Variants in ZNF407 observed in about 807,000 individuals in gnomAD.
ZNF407 encodes zinc finger protein 407.
ZNF407 carries 17 observed loss-of-function variants against 131.2 expected under a neutral mutation model. The observed-to-expected ratio is 0.13, with a 90% CI of 0.09 to 0.19. The LOEUF is 0.19. Among genes scored for constraint, ZNF407 ranks in the 10% least tolerant of loss-of-function variants. The probability of loss-of-function intolerance (pLI) is 1.00; values close to 1 mark genes in which losing one functional copy is unlikely to be tolerated. For missense variants in ZNF407, 2,681 were observed against 2,830.6 expected (o/e 0.95, Z 1.20); for synonymous variants, 1,156 against 1,062.0 (o/e 1.09, Z -1.72).
Position 75,063,664 on chromosome 18 carries a change from TC to T in ZNF407, c.5949del (p.Glu1984ArgfsTer16). 6.2e-7 allele frequency: 1 copy of T among 1,605,120 alleles called. No homozygotes were observed. ...TAAACCTCTCGGAGGCTGGAGTCGC[TC>T]CCCCCGAGGCATCCTCAGCCCTGGA... ...ILNLSEAGVA[P>X]PEASSALDAL... On this transcript the variant is annotated frameshift_variant, in exon 9 of 9. Transcript: ENST00000299687. LOFTEE classifies it low-confidence loss of function (END_TRUNC). This position sits in a 1 kb window ranked among gnomAD's most constrained non-coding sequence, Gnocchi z 6.6.
At chr18:74,751,545 C>G (rs1289566264) in intron 3 of ZNF407, among the ~76,000 whole-genome samples, 1 of 151,896 alleles carries the variant, frequency 6.6e-6, no homozygotes, top group African/African-American at 2.4e-5. Context: ...ACGACAGGCC[C>G]CCATGTGTGA....
At chr18:74,994,221 G>C (rs550809488) in intron 8 of ZNF407, among the ~76,000 whole-genome samples, 15 of 151,262 alleles carry the variant, frequency 9.9e-5, no homozygotes, top group Admixed American at 7.3e-4. Flanking sequence ...CAGTTCTTCA[G>C]CTTACTCCCA....
At chr18:75,031,657 A>C (rs1249217851) in intron 8 of ZNF407, among the ~76,000 whole-genome samples, 1 of 152,216 alleles carries the variant, frequency 6.6e-6, no homozygotes, top group Non-Finnish European at 1.5e-5. Context: ...TTTATCATTC[A>C]TTAAACTTTC....
intron 8 of ZNF407, among the ~76,000 whole-genome samples, chr18:75,010,174 A>G (rs1972957276): frequency 6.6e-6 from 1 of 152,174 alleles, no homozygotes; most frequent in Non-Finnish European, 1.5e-5. Flanking sequence ...ATAAAGGACA[A>G]CCGTGATCTG....
intron 7 of ZNF407, among the ~76,000 whole-genome samples, chr18:74,903,321 A>G (rs1971554037): frequency 6.6e-6 from 1 of 152,200 alleles, no homozygotes; most frequent in Non-Finnish European, 1.5e-5. Flanking sequence ...ATATGCACAC[A>G]TATATATGTA....
At chr18:74,841,555 T>G (rs933735049) in intron 4 of ZNF407, among the ~76,000 whole-genome samples, 4 of 152,222 alleles carry the variant, frequency 2.6e-5, no homozygotes, top group African/African-American at 4.8e-5. Context: ...TTGCTATTTA[T>G]CACCTGTGTT....
At chr18:74,825,067 CAAT>C (rs1970391139) in intron 4 of ZNF407, among the ~76,000 whole-genome samples, 1 of 152,198 alleles carries the variant, frequency 6.6e-6, no homozygotes, top group Non-Finnish European at 1.5e-5. Context: ...ATACACAAAT[CAAT>C]AAATGTAATC....
intron 8 of ZNF407, among the ~76,000 whole-genome samples, chr18:74,992,238 A>C (rs1972727272): frequency 1.3e-5 from 2 of 152,240 alleles, no homozygotes; most frequent in South Asian, 4.1e-4. Context: ...CATAGTAAAT[A>C]ATTACATTCC....
chr18:74,827,268 C>G (rs1405545674), intron 4 of ZNF407, among the ~76,000 whole-genome samples: 1 of 152,140 alleles, frequency 6.6e-6, no homozygotes, highest in African/African-American at 2.4e-5. Context: ...ATTTCCATTT[C>G]TTTTTGTACT....
At chr18:74,834,416 A>T (rs551499653) in intron 4 of ZNF407, among the ~76,000 whole-genome samples, 2 of 152,080 alleles carry the variant, frequency 1.3e-5, no homozygotes, top group South Asian at 4.1e-4. Flanking sequence ...GTACTTGGCC[A>T]CTCTCCTTAG....
At chr18:74,850,441 G>A (rs112022181) in intron 4 of ZNF407, among the ~76,000 whole-genome samples, 2,434 of 152,094 alleles carry the variant, frequency 0.016, 62 homozygotes, top group African/African-American at 0.055. Context: ...TTCTATCCAC[G>A]CATTCTACTC....
Position 74,836,898 on chromosome 18 carries a change from G to A in ZNF407, c.4878-40299G>A, listed in dbSNP as rs920317149. Among the ~76,000 whole-genome samples the A allele has an allele frequency of 3.9e-5, 6 of 152,124 alleles. No homozygotes were observed. In the East Asian group the frequency reaches 9.6e-4, roughly 24 times the overall value. On this transcript the variant is annotated intron_variant, in intron 4 of 8. Coordinates refer to ENST00000299687, the MANE Select transcript of ZNF407 (RefSeq NM_017757.3). ...GGTTCCTCTGCATGGATCACCCACC[G>A]ACCCCACTTGCCCTGGGGAAGCTTT...
At chr18:74,881,237 T>C in intron 6 of ZNF407, 118 bp downstream of exon 6, 1 of 821,806 alleles carries the variant, frequency 1.2e-6, no homozygotes, top group Non-Finnish European at 1.9e-6. Flanking sequence ...TCTGTGCACT[T>C]GAAGGTCTAC....
At chr18:74,727,335 G>C (rs1968180946) in intron 3 of ZNF407, among the ~76,000 whole-genome samples, 1 of 152,148 alleles carries the variant, frequency 6.6e-6, no homozygotes. Context: ...GGAGTAGGAA[G>C]AGAGTGAAGA....
chr18:75,015,159 A>G (rs1021477213), intron 8 of ZNF407, among the ~76,000 whole-genome samples: 3 of 152,112 alleles, frequency 2.0e-5, no homozygotes, highest in Non-Finnish European at 4.4e-5. Context: ...TGTGATCTGA[A>G]GAAATGCTGA....
intron 1 of ZNF407, among the ~76,000 whole-genome samples, chr18:74,601,968 C>G (rs1209006681): frequency 6.6e-6 from 1 of 152,208 alleles, no homozygotes; most frequent in Non-Finnish European, 1.5e-5. Context: ...GTATACATAG[C>G]TACACCTACA....
intron 5 of ZNF407, 86 bp from the exon 6 acceptor site, chr18:74,880,950 G>A (rs561116038): frequency 1.8e-6 from 2 of 1,108,912 alleles, no homozygotes; most frequent in African/African-American, 1.5e-5. Context: ...TTTGATTGGA[G>A]GAATTAGTAA....
At chr18:74,685,298 G>A (rs1016103691) in intron 3 of ZNF407, among the ~76,000 whole-genome samples, 1 of 152,098 alleles carries the variant, frequency 6.6e-6, no homozygotes, top group African/African-American at 2.4e-5. Flanking sequence ...AAACACCCAC[G>A]TGAAGAGATG....
intron 8 of ZNF407, among the ~76,000 whole-genome samples, chr18:74,944,701 A>G (rs548063513): frequency 6.6e-6 from 1 of 152,340 alleles, no homozygotes; most frequent in East Asian, 1.9e-4. Flanking sequence ...ATCCGAATAG[A>G]TGCCCAAGCA....
Sources: allele counts gnomAD v4.1 joint callset (sites outside exome capture counted in the v4.1 genomes callset), GRCh38; gene constraint gnomAD v4.1.1; non-coding constraint Gnocchi (gnomAD v3.1); transcripts MANE v1.5; gene names NCBI Gene and HGNC (gene_info 2026-07-23, HGNC 2026-07-21).